Variants in ZFAND3 observed in about 807,000 individuals in gnomAD.
ZFAND3 encodes zinc finger AN1-type containing 3, also known as AN1-type zinc finger protein 3.
In ZFAND3, 10 loss-of-function variants were observed where a neutral mutation model predicts 29.6. The ratio of observed to expected loss-of-function variants is 0.34; its 90% confidence interval spans 0.21 to 0.57. The LOEUF (loss-of-function observed/expected upper bound fraction) is 0.57, where lower values mean the gene tolerates loss of function less well. ZFAND3 is among the 20% of genes least tolerant of loss of function. The pLI is 0.86. For synonymous variants in ZFAND3, 128 were observed against 112.6 expected (o/e 1.14, Z -0.87); for missense variants, 230 against 304.5 (o/e 0.76, Z 1.82).
intron 2 of ZFAND3, among the ~76,000 whole-genome samples, chr6:38,048,404 G>A (rs1459161642): frequency 6.6e-6 from 1 of 151,608 alleles, no homozygotes; most frequent in Admixed American, 6.6e-5. Flanking sequence ...GGCAGATCAC[G>A]AGGTCAGGAG....
Position 38,153,740 on chromosome 6 carries a change from G to T in ZFAND3, c.*1351G>T. The T allele has an allele frequency of 1.0e-6, 1 of 985,526 alleles. No individual in the cohort carries two copies. The allele number at this position is 985,526 out of a possible 1,614,324, so 61.0% of individuals were successfully genotyped here. A position where few individuals can be genotyped will look rare whatever the true frequency, so the allele number is the denominator to read the frequency against. ...ACCAGTCAGGTGGGGCTGGGGCTGG[G>T]TGGACAGGATCAGGATTCCCTTGAA... On this transcript the variant is annotated 3_prime_UTR_variant, in exon 6 of 6. Coordinates refer to ENST00000287218, the MANE Select transcript of ZFAND3 (RefSeq NM_021943.3).
intron 2 of ZFAND3, among the ~76,000 whole-genome samples, chr6:37,995,533 G>T (rs1298864411): frequency 6.6e-6 from 1 of 151,534 alleles, no homozygotes; most frequent in African/African-American, 2.4e-5. Context: ...TCTTCACCAT[G>T]TTGTTGGAAA....
chr6:38,071,431 G>C (rs903976894), intron 3 of ZFAND3, among the ~76,000 whole-genome samples: 8 of 151,626 alleles, frequency 5.3e-5, no homozygotes, highest in Non-Finnish European at 1.2e-4. Flanking sequence ...TTTTTCCCAA[G>C]TGGATAACCA....
In ZFAND3 at chr6:38,073,868, C is replaced by T. The variant is rs1334625571; in HGVS notation, c.296-8524C>T. Among the ~76,000 whole-genome samples the T allele has an allele frequency of 3.9e-5, 6 of 152,300 alleles. No homozygotes were observed. The East Asian group carries it at 9.6e-4, about 24-fold the overall frequency. ...AACATGTTTTTACTCTTCTTACATA[C>T]GTAGCAGAAATGGAATGTCTTGGTT... is the stretch of plus-strand genomic sequence containing the variant. On this transcript the variant is annotated intron_variant, in intron 3 of 5. Transcript: ENST00000287218.
At chr6:38,023,538 C>A (rs1763389627) in intron 2 of ZFAND3, among the ~76,000 whole-genome samples, 1 of 152,002 alleles carries the variant, frequency 6.6e-6, no homozygotes, top group Non-Finnish European at 1.5e-5. Context: ...TATTGGTCAA[C>A]TTAAATAAGA....
intron 1 of ZFAND3, among the ~76,000 whole-genome samples, chr6:37,876,089 G>C (rs1764788234): frequency 6.6e-6 from 1 of 152,072 alleles, no homozygotes; most frequent in African/African-American, 2.4e-5. Flanking sequence ...TTTACTGTTT[G>C]AAAATTTGGA....
At chr6:37,837,671 A>G (rs891620504) in intron 1 of ZFAND3, among the ~76,000 whole-genome samples, 1 of 151,942 alleles carries the variant, frequency 6.6e-6, no homozygotes, top group Non-Finnish European at 1.5e-5. Context: ...CACCCGGCTA[A>G]CTTTTTTGTA....
At chr6:37,938,713 G>A (rs552084636) in intron 2 of ZFAND3, among the ~76,000 whole-genome samples, 1 of 152,264 alleles carries the variant, frequency 6.6e-6, no homozygotes, top group Admixed American at 6.5e-5. Flanking sequence ...CTTAAATTGT[G>A]TGGTTAATTA....
chr6:37,865,396 A>G (rs551271493), intron 1 of ZFAND3, among the ~76,000 whole-genome samples: 2 of 152,296 alleles, frequency 1.3e-5, no homozygotes, highest in Non-Finnish European at 2.9e-5. Flanking sequence ...TTCAATCTAC[A>G]GTTGGTTGAA....
chr6:38,074,173 C>T (rs1217784969), intron 3 of ZFAND3, among the ~76,000 whole-genome samples: 2 of 152,080 alleles, frequency 1.3e-5, no homozygotes, highest in Non-Finnish European at 2.9e-5. Context: ...GAGATCTTTC[C>T]TTTTCCAACT....
At chr6:37,970,663 G>C (rs1011383445) in intron 2 of ZFAND3, among the ~76,000 whole-genome samples, 4 of 152,178 alleles carry the variant, frequency 2.6e-5, no homozygotes, top group Non-Finnish European at 5.9e-5. Context: ...CAGCACTTTG[G>C]GAGGCCAAGA....
intron 2 of ZFAND3, among the ~76,000 whole-genome samples, chr6:37,930,326 C>T (rs1761571242): frequency 6.6e-6 from 1 of 152,134 alleles, no homozygotes; most frequent in Admixed American, 6.5e-5. Context: ...TAATGTTGCT[C>T]TATCAATGAG....
At chr6:37,860,919 A>G (rs1459339148) in intron 1 of ZFAND3, among the ~76,000 whole-genome samples, 2 of 152,068 alleles carry the variant, frequency 1.3e-5, no homozygotes, top group African/African-American at 4.8e-5. Context: ...GGAAATCTGT[A>G]CCATATGCCA....
intron 2 of ZFAND3, among the ~76,000 whole-genome samples, chr6:37,940,406 C>G (rs1311737071): frequency 6.6e-6 from 1 of 152,104 alleles, no homozygotes; most frequent in Non-Finnish European, 1.5e-5. Context: ...AAAGATGGGA[C>G]ATTATTTTTG....
intron 2 of ZFAND3, among the ~76,000 whole-genome samples, chr6:38,002,147 C>G (rs1048159632): frequency 3.3e-5 from 5 of 152,094 alleles, no homozygotes; most frequent in Non-Finnish European, 7.4e-5. Context: ...TTCATGCGTA[C>G]TAAGCCTATA....
At chr6:38,103,467 GTGTATATATATACA>G (rs1562000345) in intron 4 of ZFAND3, among the ~76,000 whole-genome samples, 2 of 120,164 alleles carry the variant, frequency 1.7e-5, no homozygotes, top group East Asian at 7.4e-4. Context: ...ATATATACAC[GTGTATATATATACA>G]CACATATATA....
chr6:37,843,774 T>C (rs922490625), intron 1 of ZFAND3, among the ~76,000 whole-genome samples: 7 of 152,132 alleles, frequency 4.6e-5, no homozygotes, highest in African/African-American at 1.7e-4. Flanking sequence ...ACATTGCATA[T>C]TCTTTTAACA....
At position 37,983,413 on chromosome 6, in the gene ZFAND3, A is replaced by G. The variant is rs370330237; in HGVS notation, c.112+53414A>G. 6.0e-5 allele frequency among the ~76,000 whole-genome samples: 7 copies of G among 117,384 alleles called. No individual in the cohort carries two copies. The South Asian group carries it at 1.2e-3, about 19-fold the overall frequency. The allele number at this position is 117,384 out of a possible 152,430, so 77.0% of individuals were successfully genotyped here. A position where few individuals can be genotyped will look rare whatever the true frequency, so the allele number is the denominator to read the frequency against. ...CTCTTGTTGCCTAGGCTGGAGTGCA[A>G]TGGTGTGACCTCAGCTCACTGCAAC... On this transcript the variant is annotated intron_variant, in intron 2 of 5. Coordinates refer to ENST00000287218, the MANE Select transcript of ZFAND3 (RefSeq NM_021943.3).
intron 2 of ZFAND3, among the ~76,000 whole-genome samples, chr6:38,040,398 A>G (rs1375580236): frequency 6.6e-6 from 1 of 152,146 alleles, no homozygotes; most frequent in African/African-American, 2.4e-5. Flanking sequence ...TTCATATTGT[A>G]GCATTGGACA....
Sources: gnomAD v4.1 joint callset for allele counts (sites outside exome capture counted in the v4.1 genomes callset) on GRCh38, gnomAD v4.1.1 for gene constraint, MANE v1.5 for transcripts, NCBI Gene and HGNC (gene_info 2026-07-23, HGNC 2026-07-21) for gene names.